The following RUNX1T1 variants were observed in gnomAD, a reference collection of about 807,000 sequenced individuals.
RUNX1T1 encodes the protein RUNX1 partner transcriptional co-repressor 1, also known as protein CBFA2T1.
Under a neutral mutation model 62.8 loss-of-function variants are expected in RUNX1T1, and 4 were observed. That is an observed-to-expected ratio of 0.06 (90% confidence interval 0.03 to 0.15). RUNX1T1 has a LOEUF of 0.15. Ranked by LOEUF, RUNX1T1 falls within the 10% of genes least tolerant of loss-of-function variation. RUNX1T1 has a pLI of 1.00. For missense variants in RUNX1T1, 508 were observed against 754.3 expected, an observed-to-expected ratio of 0.67 and a Z score of 3.82; for synonymous variants, 291 against 286.0, an observed-to-expected ratio of 1.02 and a Z score of -0.18.
At chr8:92,047,060 T>C (rs1249968895) in intron 1 of RUNX1T1, among the ~76,000 whole-genome samples, 1 of 152,120 alleles carries the variant, frequency 6.6e-6, no homozygotes, top group Non-Finnish European at 1.5e-5. Context: ...GGGATGGATG[T>C]TAAATGGATT....
rs61066655 is a variant in RUNX1T1 at position 92,060,522 on chromosome 8, A to AATAT, written c.7+2020_7+2023dup. On this transcript the variant is annotated intron_variant, in intron 1 of 10. Transcript: ENST00000396218. ...ATTAGTTCTGATACTTCAACTACCA[A>AATAT]ATATATATATATATATATATATATA... 4.7e-3 allele frequency among the ~76,000 whole-genome samples: 356 copies of AATAT among 76,278 alleles called. 3 individuals carry two copies. Among genetic ancestry groups the AATAT allele is most frequent in the Middle Eastern group, 7.6e-3 (1 of 132 alleles). The allele number at this position is 76,278 out of a possible 152,430, so 50.0% of individuals were successfully genotyped here. A position where few individuals can be genotyped will look rare whatever the true frequency, so the allele number is the denominator to read the frequency against.
intron 1 of RUNX1T1, among the ~76,000 whole-genome samples, chr8:92,092,209 T>C (rs1837133504): frequency 1.3e-5 from 2 of 151,634 alleles, no homozygotes; most frequent in Middle Eastern, 3.4e-3. Context: ...TTTCTTGTTA[T>C]AAGGACGCAG....
At chr8:91,993,037 C>T (rs1165732110) in intron 5 of RUNX1T1, among the ~76,000 whole-genome samples, 1 of 152,202 alleles carries the variant, frequency 6.6e-6, no homozygotes, top group Non-Finnish European at 1.5e-5. Flanking sequence ...AAGACCAGCA[C>T]TCTTATCTTT....
At chr8:91,983,052 C>A (rs1018494430) in intron 8 of RUNX1T1, among the ~76,000 whole-genome samples, 1 of 150,546 alleles carries the variant, frequency 6.6e-6, no homozygotes, top group Non-Finnish European at 1.5e-5. Context: ...CTCAGCCTCC[C>A]GAGTAGCTGG....
intron 1 of RUNX1T1, among the ~76,000 whole-genome samples, chr8:92,032,235 T>A (rs1826401575): frequency 6.6e-6 from 1 of 151,798 alleles, no homozygotes; most frequent in Admixed American, 6.6e-5. Context: ...GATATACCTT[T>A]AAGAATTTAG....
chr8:91,979,438 G>A (rs563456089), intron 8 of RUNX1T1, among the ~76,000 whole-genome samples: 13 of 152,160 alleles, frequency 8.5e-5, no homozygotes, highest in African/African-American at 2.9e-4. Context: ...CTAGAAAAAG[G>A]AATCATCATT....
chr8:92,076,133 C>A, exon 2 of RUNX1T1: 4 of 1,537,886 alleles, frequency 2.6e-6, no homozygotes, highest in Non-Finnish European at 3.5e-6. Context: ...AGAGATCAAT[C>A]TTTTCTATTG....
At chr8:91,995,053 T>C (rs1476488906) in intron 5 of RUNX1T1, among the ~76,000 whole-genome samples, 1 of 152,204 alleles carries the variant, frequency 6.6e-6, no homozygotes, top group Non-Finnish European at 1.5e-5. Context: ...ACCTTATTTT[T>C]TGTGCAAAAA....
At position 91,974,184 on chromosome 8, in the gene RUNX1T1, T is replaced by C. The variant is rs142078298; in HGVS notation, c.1267+1721A>G. On this transcript the variant is annotated intron_variant, in intron 9 of 10. Coordinates refer to ENST00000396218, the Ensembl canonical transcript of RUNX1T1. ...GGAGTCAATAGATAACAATATGCCA[T>C]GTAGGAAAAAATAAACAACTGATTA... 3.8e-4 allele frequency among the ~76,000 whole-genome samples: 58 copies of C among 152,190 alleles called. 1 individual carries two copies. Among genetic ancestry groups the C allele is most frequent in the African/African-American group, 1.4e-3 (57 of 41,576 alleles).
intron 8 of RUNX1T1, among the ~76,000 whole-genome samples, chr8:91,984,562 C>T (rs1472214948): frequency 6.6e-6 from 1 of 152,092 alleles, no homozygotes; most frequent in East Asian, 1.9e-4. Context: ...ATAGTAAGTG[C>T]TCAATAAATA....
chr8:91,989,386 T>C (rs979747600), intron 6 of RUNX1T1, among the ~76,000 whole-genome samples: 3 of 152,222 alleles, frequency 2.0e-5, no homozygotes, highest in Non-Finnish European at 2.9e-5. Flanking sequence ...GATGGTTTAG[T>C]AGCTGCACAT....
intron 5 of RUNX1T1, chr8:91,994,339 T>C (rs974688936): frequency 1.1e-5 from 2 of 183,780 alleles, no homozygotes; most frequent in African/African-American, 4.7e-5. Flanking sequence ...TCTAAGAATA[T>C]ACCCATGTGA....
At chr8:92,084,927 A>C (rs1261884187) in intron 1 of RUNX1T1, among the ~76,000 whole-genome samples, 1 of 152,246 alleles carries the variant, frequency 6.6e-6, no homozygotes. Context: ...ATGAAGAAGC[A>C]GCCAAAGAGA....
chr8:92,089,390 C>T (rs1446565876), intron 1 of RUNX1T1, among the ~76,000 whole-genome samples: 3 of 152,128 alleles, frequency 2.0e-5, no homozygotes, highest in Admixed American at 2.0e-4. Flanking sequence ...TTAGTCTTTC[C>T]TGAGATCTGA....
chr8:91,988,082 G>A (rs1041541915), intron 6 of RUNX1T1, among the ~76,000 whole-genome samples: 1 of 152,006 alleles, frequency 6.6e-6, no homozygotes, highest in Non-Finnish European at 1.5e-5. Flanking sequence ...ATGACCATAG[G>A]AGTTATAAGA....
intron 1 of RUNX1T1, among the ~76,000 whole-genome samples, chr8:92,043,091 T>C (rs1368201070): frequency 6.6e-6 from 1 of 152,196 alleles, no homozygotes; most frequent in African/African-American, 2.4e-5. Context: ...TTATTGGTTA[T>C]AAAGTTAATG....
At chr8:91,995,955 G>T (rs76701560) in intron 5 of RUNX1T1, among the ~76,000 whole-genome samples, 1 of 152,284 alleles carries the variant, frequency 6.6e-6, no homozygotes, top group East Asian at 1.9e-4. Flanking sequence ...ATTGCCATTT[G>T]TCTGTCTGCT....
chr8:92,090,568 G>A lies in RUNX1T1; in HGVS notation c.-86+9012C>T, dbSNP rs193016770. Among the ~76,000 whole-genome samples the A allele has an allele frequency of 3.2e-4, 48 of 152,272 alleles. 2 individuals carry two copies. The East Asian group carries it at 6.2e-3, about 20-fold the overall frequency. On this transcript the variant is annotated intron_variant, in intron 1 of 11. Transcript: ENST00000265814. ...AGGTGGTACTGAGGAATATAGACTA[G>A]CACACACTTGTGAGTATCCAAGGAT... is the stretch of plus-strand genomic sequence containing the variant.
upstream of RUNX1T1, chr8:92,099,833 G>A (rs1054130460): frequency 1.1e-5 from 2 of 176,818 alleles, no homozygotes; most frequent in Non-Finnish European, 2.2e-5. Flanking sequence ...TCTTTCTTGT[G>A]ATCCTTTTTC....
Sources: gnomAD v4.1 joint callset for allele counts (sites outside exome capture counted in the v4.1 genomes callset) on GRCh38, gnomAD v4.1.1 for gene constraint, MANE v1.5 for transcripts, NCBI Gene and HGNC (gene_info 2026-07-23, HGNC 2026-07-21) for gene names.